TRPM1: variants seen among roughly 807,000 people sequenced by gnomAD.
TRPM1 encodes transient receptor potential cation channel subfamily M member 1.
In TRPM1, 113 loss-of-function variants were observed where a neutral mutation model predicts 149.4. The observed-to-expected ratio is 0.76, with a 90% CI of 0.65 to 0.88. TRPM1 has a LOEUF of 0.88. TRPM1 is among the 40% of genes least tolerant of loss of function. The pLI is 0.00. For synonymous variants in TRPM1, 741 were observed against 759.5 expected (o/e 0.98, Z 0.40); for missense variants, 1,976 against 2,038.7 (o/e 0.97, Z 0.59).
intron 1 of TRPM1, among the ~76,000 whole-genome samples, chr15:31,159,409 AGGT>A (rs2036417603): frequency 6.6e-6 from 1 of 152,174 alleles, no homozygotes; most frequent in African/African-American, 2.4e-5. Flanking sequence ...GGGGAGGAGG[AGGT>A]CACGTGGAGC....
At chr15:31,159,256 C>A (rs1458767270) in intron 1 of TRPM1, among the ~76,000 whole-genome samples, 2 of 152,204 alleles carry the variant, frequency 1.3e-5, no homozygotes, top group Admixed American at 1.3e-4. Flanking sequence ...TGCTCCCAGA[C>A]CCTACCCATT....
chr15:31,028,906 A>G (rs2032925249), intron 24 of TRPM1, among the ~76,000 whole-genome samples: 1 of 152,196 alleles, frequency 6.6e-6, no homozygotes, highest in African/African-American at 2.4e-5. Context: ...AGACAAATGT[A>G]TCTTTATGTT....
In TRPM1 at chr15:31,075,005, A is replaced by T. The variant is rs1432313855; in HGVS notation, c.83+1900T>A. ...ATTTTTTTCCTCCTATTGGTTTCTT[A>T]TTTCTAATTTTATTACATTGTGGTT... On this transcript the variant is annotated intron_variant, in intron 3 of 27. Coordinates refer to ENST00000256552, the MANE Select transcript of TRPM1 (RefSeq NM_001252024.2). Among the ~76,000 whole-genome samples, 3 of 151,974 alleles carry T rather than the reference A, an allele frequency of 2.0e-5. No individual in the cohort carries two copies. The East Asian group carries it at 5.8e-4, about 29-fold the overall frequency.
intron 1 of TRPM1, among the ~76,000 whole-genome samples, chr15:31,137,584 A>T (rs898167943): frequency 6.6e-6 from 1 of 151,442 alleles, no homozygotes; most frequent in African/African-American, 2.4e-5. Context: ...TCAAAGAGAC[A>T]ACAAGATTCT....
chr15:31,081,212 A>G (rs1369823729), intron 2 of TRPM1, 141 bp downstream of exon 2: 1 of 717,006 alleles, frequency 1.4e-6, no homozygotes, highest in Non-Finnish European at 2.5e-6. Context: ...AACTGGCGCC[A>G]TGGCCCGAGC....
chr15:31,128,967 C>T (rs1257918214), intron 1 of TRPM1, among the ~76,000 whole-genome samples: 1 of 152,250 alleles, frequency 6.6e-6, no homozygotes, highest in African/African-American at 2.4e-5. Flanking sequence ...GAGAGTGCAT[C>T]ATCTGCGCTT....
chr15:31,118,173 C>T (rs1304461486), intron 1 of TRPM1, among the ~76,000 whole-genome samples: 1 of 151,842 alleles, frequency 6.6e-6, no homozygotes, highest in African/African-American at 2.4e-5. Context: ...CATGAGAATC[C>T]CTTGAACCCA....
intron 1 of TRPM1, among the ~76,000 whole-genome samples, chr15:31,112,653 C>G (rs941873048): frequency 3.3e-5 from 5 of 152,040 alleles, no homozygotes; most frequent in African/African-American, 9.7e-5. Flanking sequence ...GTTCCTGATT[C>G]AGAGATAGCT....
At chr15:31,031,713 C>T (rs1431797919) in intron 22 of TRPM1, among the ~76,000 whole-genome samples, 1 of 152,150 alleles carries the variant, frequency 6.6e-6, no homozygotes, top group Non-Finnish European at 1.5e-5. Flanking sequence ...AACCACTTGC[C>T]CTATAAAGAG....
In TRPM1 at chr15:31,003,037, G is replaced by C; in HGVS notation, c.3663C>G (p.Ile1221Met). 6.2e-7 allele frequency: 1 copy of C among 1,600,726 alleles called. No homozygotes were observed. Among genetic ancestry groups the C allele is most frequent in the Non-Finnish European group, 8.5e-7 (1 of 1,176,324 alleles). Reference protein sequence around the residue: ...VENMSMRLEEINERETFMKTS... With the variant: ...VENMSMRLEEMNERETFMKTS... ...TTTTCATAAAAGTTTCTCTTTCATT[G>C]ATTTCTTCCAACCTCATTGACATAT... The change falls in exon 28 of 28, where the codon ATC (isoleucine) becomes ATG (methionine). Residue 1221 changes from isoleucine (I) to methionine (M), a missense_variant. This residue lies in a region of TRPM1 where 572 missense variants were observed against 578.9 expected (regional missense o/e 0.99). Transcript: ENST00000256552.
intron 1 of TRPM1, among the ~76,000 whole-genome samples, chr15:31,089,955 G>A (rs2035185132): frequency 6.6e-6 from 1 of 152,178 alleles, no homozygotes; most frequent in African/African-American, 2.4e-5. Flanking sequence ...TGACTACGGT[G>A]TGTGTGTGTT....
intron 1 of TRPM1, among the ~76,000 whole-genome samples, chr15:31,113,319 G>A (rs1289355101): frequency 1.3e-5 from 2 of 152,140 alleles, no homozygotes; most frequent in African/African-American, 4.8e-5. Context: ...CTGCCTCTGA[G>A]CCCCTGACTG....
chr15:31,144,412 G>A (rs8031783), intron 1 of TRPM1, among the ~76,000 whole-genome samples: 22,559 of 152,172 alleles, frequency 0.15, 1,905 homozygotes, highest in African/African-American at 0.24. Context: ...ACTTCAGCAT[G>A]GGTGAGACAG....
At chr15:31,042,854 C>G (rs374764371) in intron 16 of TRPM1, among the ~76,000 whole-genome samples, 1 of 152,200 alleles carries the variant, frequency 6.6e-6, no homozygotes, top group Admixed American at 6.5e-5. Context: ...GTGAATGGAT[C>G]AGGATTCATA....
intron 1 of TRPM1, among the ~76,000 whole-genome samples, chr15:31,122,826 C>T (rs1202017295): frequency 2.6e-5 from 4 of 152,138 alleles, no homozygotes; most frequent in Admixed American, 2.0e-4. Context: ...AGGGGGGATA[C>T]TGACAAACTC....
At chr15:31,088,808 GA>G (rs202004425) in intron 1 of TRPM1, among the ~76,000 whole-genome samples, 2 of 151,460 alleles carry the variant, frequency 1.3e-5, no homozygotes, top group Non-Finnish European at 2.9e-5. Flanking sequence ...CTGCTGGGGG[GA>G]TGCGTCAGAG....
chr15:31,043,641 C>G (rs985024169), intron 16 of TRPM1, among the ~76,000 whole-genome samples: 1 of 150,662 alleles, frequency 6.6e-6, no homozygotes, highest in Admixed American at 6.6e-5. Context: ...GGGAAAGGTT[C>G]ATCTACACAG....
intron 1 of TRPM1, among the ~76,000 whole-genome samples, chr15:31,130,393 T>G (rs2036001869): frequency 1.3e-5 from 2 of 152,216 alleles, no homozygotes; most frequent in Non-Finnish European, 2.9e-5. Context: ...CTGAACTAAC[T>G]TTGGGAGGAA....
In TRPM1 at chr15:31,070,043, G is replaced by A; in HGVS notation, c.267C>T (p.Ser89=). The A allele has an allele frequency of 6.2e-7, 1 of 1,614,156 alleles. No homozygotes were observed. The highest frequency in any genetic ancestry group is 1.7e-5 in the Admixed American group (1 of 60,020). ...ATGCCTTTCTCACCATGGCTTTATT[G>A]GAATATCCGCCACCCTGGAATTCAA... ...GVLEFQGGGY[S]NKAMYIRVSY... Residue 89 remains serine, a synonymous_variant, in exon 4 of 28, where the codon TCC becomes TCT. Coordinates refer to ENST00000256552, the MANE Select transcript of TRPM1 (RefSeq NM_001252024.2).
Sources: allele counts gnomAD v4.1 joint callset (sites outside exome capture counted in the v4.1 genomes callset), GRCh38; gene constraint gnomAD v4.1.1; regional missense constraint gnomAD v4.1.1; transcripts MANE v1.5; gene names NCBI Gene and HGNC (gene_info 2026-07-23, HGNC 2026-07-21).